RP1: variants seen among roughly 807,000 people sequenced by gnomAD.
RP1 encodes the protein oxygen-regulated protein 1.
A neutral mutation model predicts 14.8 loss-of-function variants in RP1; 16 were observed. That is an observed-to-expected ratio of 1.08 (90% confidence interval 0.73 to 1.65). The LOEUF is 1.65. RP1 is among the 40% of genes most tolerant of loss of function. The pLI is 0.00. For missense variants in RP1, 2,631 were observed against 2,535.0 expected (o/e 1.04, Z -0.81); for synonymous variants, 876 against 883.6 (o/e 0.99, Z 0.15).
At chr8:54,847,552 C>T (rs1370138878) in intron 25 of RP1, among the ~76,000 whole-genome samples, 20 of 152,168 alleles carry the variant, frequency 1.3e-4, no homozygotes, top group Non-Finnish European at 5.9e-5. Flanking sequence ...TTAGATTGTG[C>T]GATCTTTCCA....
intron 12 of RP1, among the ~76,000 whole-genome samples, chr8:54,687,543 G>A (rs1302609703): frequency 6.6e-6 from 1 of 151,890 alleles, no homozygotes; most frequent in Non-Finnish European, 1.5e-5. Context: ...TCCCACTTAT[G>A]AGTGAAAACA....
chr8:54,839,298 T>C (rs9650182), intron 25 of RP1, among the ~76,000 whole-genome samples: 52,770 of 152,012 alleles, frequency 0.35, 9,302 homozygotes, highest in Non-Finnish European at 0.38. Flanking sequence ...AGAGCCCCAG[T>C]GCTCCATTAG....
At chr8:54,565,318 A>G (rs951728013) in intron 1 of RP1, among the ~76,000 whole-genome samples, 1 of 152,162 alleles carries the variant, frequency 6.6e-6, no homozygotes, top group African/African-American at 2.4e-5. Flanking sequence ...TAATCCCAGC[A>G]CTTTGGGAGG....
At chr8:54,576,862 C>G (rs1056885422) in intron 1 of RP1, among the ~76,000 whole-genome samples, 1 of 152,150 alleles carries the variant, frequency 6.6e-6, no homozygotes. Context: ...GTGGACGGTG[C>G]TTTCTGTTGC....
At chr8:54,760,958 A>G (rs980185016) in intron 22 of RP1, among the ~76,000 whole-genome samples, 5 of 152,100 alleles carry the variant, frequency 3.3e-5, no homozygotes, top group African/African-American at 1.2e-4. Context: ...ACTGAAGAGG[A>G]CTTGGGTGTC....
At chr8:54,656,297 T>C in intron 6 of RP1, 2 of 1,378,234 alleles carry the variant, frequency 1.5e-6, no homozygotes, top group African/African-American at 2.9e-5. Context: ...TAAACACATG[T>C]TGAGTAAATG....
chr8:54,631,408 TAGAA>T (rs928087029), downstream of RP1, among the ~76,000 whole-genome samples: 3 of 152,174 alleles, frequency 2.0e-5, no homozygotes, highest in East Asian at 5.8e-4. Flanking sequence ...GGAGAAAAAA[TAGAA>T]AGGAGAAAAT....
At chr8:54,566,354 C>A (rs1293255754) in intron 1 of RP1, among the ~76,000 whole-genome samples, 32 of 150,908 alleles carry the variant, frequency 2.1e-4, no homozygotes, top group East Asian at 1.9e-4. Flanking sequence ...AGTGAGCTGA[C>A]CCCAAGCTAT....
chr8:54,803,507 A>G (rs1810764400), intron 24 of RP1, among the ~76,000 whole-genome samples: 1 of 152,212 alleles, frequency 6.6e-6, no homozygotes, highest in Admixed American at 6.5e-5. Flanking sequence ...AATGTATAAC[A>G]AATAATGATA....
At chr8:54,619,796 A>T (rs1585556523) in intron 1 of RP1, among the ~76,000 whole-genome samples, 1 of 152,152 alleles carries the variant, frequency 6.6e-6, no homozygotes, top group East Asian at 1.9e-4. Context: ...ATTTGCCTGC[A>T]TTTTCTCTAA....
chr8:54,704,950 C>T (rs1416597199), intron 14 of RP1, among the ~76,000 whole-genome samples: 1 of 151,954 alleles, frequency 6.6e-6, no homozygotes, highest in South Asian at 2.1e-4. Context: ...TGCCTTTGAC[C>T]ACATCATTTA....
At chr8:54,694,947 G>A (rs1191138189) in intron 12 of RP1, among the ~76,000 whole-genome samples, 1 of 151,898 alleles carries the variant, frequency 6.6e-6, no homozygotes, top group African/African-American at 2.4e-5. Context: ...GCTTTCTCTT[G>A]TGGGCATTTA....
At chr8:54,624,468 GA>G (rs1303974129) in intron 3 of RP1, among the ~76,000 whole-genome samples, 1 of 112,832 alleles carries the variant, frequency 8.9e-6, no homozygotes, top group Non-Finnish European at 1.9e-5. Context: ...AAAAAAAAAA[GA>G]AAAAAAACAA....
intron 15 of RP1, among the ~76,000 whole-genome samples, chr8:54,714,256 C>G (rs551207582): frequency 6.4e-4 from 97 of 152,298 alleles, no homozygotes; most frequent in Non-Finnish European, 1.1e-3. Context: ...AAGATAATAA[C>G]AGTCCCTCTC....
intron 15 of RP1, among the ~76,000 whole-genome samples, chr8:54,715,478 A>G (rs573183070): frequency 2.0e-4 from 31 of 152,352 alleles, no homozygotes; most frequent in African/African-American, 7.2e-4. Flanking sequence ...AATTATACTT[A>G]GTGGAGGTTA....
downstream of RP1, among the ~76,000 whole-genome samples, chr8:54,770,418 T>C (rs866962700): frequency 6.2e-4 from 94 of 151,740 alleles, no homozygotes; most frequent in African/African-American, 2.1e-3. Flanking sequence ...AAAATAATTA[T>C]TTTCCAAATG....
At chr8:54,611,817 C>A (rs537973563), upstream of RP1, among the ~76,000 whole-genome samples, 4 of 151,962 alleles carry the variant, frequency 2.6e-5, no homozygotes, top group African/African-American at 7.3e-5. Context: ...TTTGGTAACT[C>A]TGGAAATTTA....
chr8:54,842,271 G>A (rs896875866), intron 25 of RP1, among the ~76,000 whole-genome samples: 2 of 152,168 alleles, frequency 1.3e-5, no homozygotes, highest in Non-Finnish European at 1.5e-5. Context: ...TGTGAATCGG[G>A]GCAAGTGGCC....
intron 22 of RP1, among the ~76,000 whole-genome samples, chr8:54,765,142 G>C (rs1218908104): frequency 6.6e-6 from 1 of 152,238 alleles, no homozygotes; most frequent in East Asian, 1.9e-4. Flanking sequence ...GTGGAAGCAA[G>C]GCTGATAATC....
Sources: gnomAD v4.1 joint callset for allele counts (sites outside exome capture counted in the v4.1 genomes callset) on GRCh38, gnomAD v4.1.1 for gene constraint, MANE v1.5 for transcripts, NCBI Gene and HGNC (gene_info 2026-07-23, HGNC 2026-07-21) for gene names.